Variants in CSAD observed in about 807,000 individuals in gnomAD.
CSAD encodes the protein cysteine sulfinic acid decarboxylase, also known as P-selectin cytoplasmic tail-associated protein.
In CSAD, 47 loss-of-function variants were observed where a neutral mutation model predicts 61.5. That is an observed-to-expected ratio of 0.76 (90% CI 0.60 to 0.97). The LOEUF (loss-of-function observed/expected upper bound fraction) is 0.97, where lower values mean the gene tolerates loss of function less well. Ranked by LOEUF, CSAD falls within the 50% of genes least tolerant of loss-of-function variation. The probability of loss-of-function intolerance (pLI) is 0.00; values close to 1 mark genes in which losing one functional copy is unlikely to be tolerated. For missense variants in CSAD, 611 were observed against 643.6 expected (o/e 0.95, Z 0.55); for synonymous variants, 245 against 252.7 (o/e 0.97, Z 0.29).
At chr12:53,174,802 A>G (rs960085171) in intron 2 of CSAD, among the ~76,000 whole-genome samples, 14 of 152,098 alleles carry the variant, frequency 9.2e-5, no homozygotes, top group African/African-American at 3.1e-4. Context: ...AAAAATATAT[A>G]TATATATGGA....
intron 10 of CSAD, among the ~76,000 whole-genome samples, chr12:53,162,228 A>C (rs999122812): frequency 6.6e-6 from 1 of 151,206 alleles, no homozygotes; most frequent in Non-Finnish European, 1.5e-5. Flanking sequence ...AGCCAAGATC[A>C]CACCATTGTA....
At chr12:53,177,579 AC>A (rs1200243671) in intron 2 of CSAD, among the ~76,000 whole-genome samples, 2 of 152,210 alleles carry the variant, frequency 1.3e-5, no homozygotes, top group Non-Finnish European at 2.9e-5. Context: ...ACTTGAGCTC[AC>A]GAGTTGGAAA....
intron 2 of CSAD, among the ~76,000 whole-genome samples, chr12:53,174,390 GT>G (rs1940946841): frequency 1.3e-5 from 2 of 151,810 alleles, no homozygotes; most frequent in Non-Finnish European, 2.9e-5. Flanking sequence ...ATTTCTGGGT[GT>G]TGTTATGGAT....
chr12:53,160,171 T>G lies in CSAD; in HGVS notation c.1115A>C (p.Gln372Pro). 3 of 1,614,082 alleles carry G rather than the reference T, an allele frequency of 1.9e-6. No individual in the cohort carries two copies. The highest frequency in any genetic ancestry group is 2.5e-6 in the Non-Finnish European group (3 of 1,180,048). The change falls in exon 14 of 17, where the codon CAG (glutamine) becomes CCG (proline). Residue 372 changes from glutamine to proline, a missense_variant. Gln to Pro is a moderately conservative substitution (Grantham distance 76, BLOSUM62 -1). Coordinates refer to ENST00000444623, the MANE Select transcript of CSAD (RefSeq NM_001244705.2). Reference protein sequence around the residue: ...CLKLWLMWKAQGDQGLERRID... With the variant: ...CLKLWLMWKAPGDQGLERRID... ...GCGCCGCTCCAGCCCTTGATCGCCC[T>G]GTGCCTTCCACATGAGCCACAGCTT...
intron 4 of CSAD, among the ~76,000 whole-genome samples, 192 bp from the exon 5 acceptor site, chr12:53,172,840 AG>A (rs961757523): frequency 6.6e-6 from 1 of 152,190 alleles, no homozygotes; most frequent in Non-Finnish European, 1.5e-5. Context: ...TGAGGTACCC[AG>A]GGGGGCAGGG....
At chr12:53,171,196 C>T (rs2121512847) in intron 8 of CSAD, 130 bp downstream of exon 8, 8 of 1,392,732 alleles carry the variant, frequency 5.7e-6, no homozygotes, top group South Asian at 2.4e-5. Flanking sequence ...TGGAAGGAAG[C>T]ACATCCGCCT....
chr12:53,181,246 C>T (rs1396716296), upstream of CSAD: 1 of 985,322 alleles, frequency 1.0e-6, no homozygotes, highest in East Asian at 1.1e-4. Flanking sequence ...ACGGGGAGAA[C>T]GCACACGTGT....
Position 53,170,111 on chromosome 12 carries a change from G to T in CSAD, c.663C>A (p.Pro221=), listed in dbSNP as rs375625717. The change falls in exon 10 of 17, where the codon CCC becomes CCA. Residue 221 remains proline (P), a synonymous_variant. Transcript: ENST00000444623. ...TACCAATCTGCCTCTCCAGATCCTC[G>T]GGGACCATTTTCCCTCTGAAAAAGA... ...VKADERGKMV[P]EDLERQIGMA... 1.2e-6 allele frequency: 2 copies of T among 1,613,882 alleles called. No homozygotes were observed. Among genetic ancestry groups the T allele is most frequent in the African/African-American group, 2.7e-5 (2 of 74,896 alleles).
chr12:53,170,840 C>T (rs942364964), intron 8 of CSAD: 1 of 383,094 alleles, frequency 2.6e-6, no homozygotes, highest in South Asian at 2.2e-5. Flanking sequence ...CGTGCCTCAG[C>T]CTCCTAAGCA....
In CSAD at chr12:53,158,505, G is replaced by C. The variant is rs1938818713; in HGVS notation, c.*6C>G. On this transcript the variant is annotated 3_prime_UTR_variant, in exon 17 of 17. Coordinates refer to ENST00000444623, the MANE Select transcript of CSAD (RefSeq NM_001244705.2). ...GTATCAAGGCCGGCAGCAAGACAGA[G>C]AAGGCTCACAGGTCCTGGCCTAGCC... 1.9e-6 allele frequency: 3 copies of C among 1,609,388 alleles called. No homozygotes were observed. The highest frequency in any genetic ancestry group is 2.2e-5 in the East Asian group (1 of 44,744).
intron 7 of CSAD, 43 bp from the exon 8 acceptor site, chr12:53,171,484 G>T (rs1415539344): frequency 2.5e-6 from 4 of 1,589,150 alleles, no homozygotes; most frequent in African/African-American, 1.3e-5. Context: ...GGAGCAGTGG[G>T]TCAAGACTGG....
intron 10 of CSAD, among the ~76,000 whole-genome samples, chr12:53,166,531 T>G (rs906232993): frequency 6.6e-6 from 1 of 151,932 alleles, no homozygotes; most frequent in Non-Finnish European, 1.5e-5. Flanking sequence ...GGTGTGGTGG[T>G]TAATGACTGT....
chr12:53,161,064 A>G, intron 12 of CSAD, 63 bp downstream of exon 12: 2 of 1,531,492 alleles, frequency 1.3e-6, no homozygotes, highest in African/African-American at 1.4e-5. Context: ...TCCCTAGTCC[A>G]TGATGATTCT....
chr12:53,178,569 A>C (rs1052422623), intron 2 of CSAD, among the ~76,000 whole-genome samples: 1 of 152,158 alleles, frequency 6.6e-6, no homozygotes, highest in African/African-American at 2.4e-5. Context: ...AGGTGGGTAG[A>C]TGACCTGAGG....
intron 2 of CSAD, chr12:53,178,414 C>A (rs1941271368): frequency 4.4e-6 from 2 of 455,730 alleles, no homozygotes; most frequent in African/African-American, 4.0e-5. Flanking sequence ...ATTCCTTGAG[C>A]CCAGGAGGTT....
At chr12:53,179,662 T>A in intron 1 of CSAD, 1 of 913,148 alleles carries the variant, frequency 1.1e-6, no homozygotes, top group Non-Finnish European at 1.7e-6. Flanking sequence ...GGAAATGAAA[T>A]CTGTCTACAA....
At chr12:53,160,361 C>G (rs776852330) in intron 13 of CSAD, 42 bp from the exon 14 acceptor site, 2 of 1,588,826 alleles carry the variant, frequency 1.3e-6, no homozygotes, top group East Asian at 2.2e-5. Flanking sequence ...ACCCTCTCCA[C>G]CGAGGCTTTC....
Position 53,160,839 on chromosome 12 carries a change from T to C in CSAD, c.890A>G (p.Asp297Gly), listed in dbSNP as rs1199197122. Reference sequence around the variant, plus strand: ...CTTGTGGGGATTCCAGGCCACAGAGTCAGCCCTGGATGGGGTGGAGCAAAG... The same window carrying C: ...CTTGTGGGGATTCCAGGCCACAGAGCCAGCCCTGGATGGGGTGGAGCAAAG... ...RHLLDGIQRA[D>G]SVAWNPHKLL... is the part of the protein sequence containing the mutation. Residue 297 changes from aspartate to glycine, a missense_variant, in exon 13 of 17, where the codon GAC (aspartate) becomes GGC (glycine). Coordinates refer to ENST00000444623, the MANE Select transcript of CSAD (RefSeq NM_001244705.2). 6.4e-7 allele frequency: 1 copy of C among 1,551,544 alleles called. No homozygotes were observed. Among genetic ancestry groups the C allele is most frequent in the African/African-American group, 1.4e-5 (1 of 73,024 alleles).
intron 2 of CSAD, among the ~76,000 whole-genome samples, chr12:53,178,196 G>A (rs1460576322): frequency 6.6e-6 from 1 of 152,124 alleles, no homozygotes; most frequent in Non-Finnish European, 1.5e-5. Flanking sequence ...TATCCGGCCA[G>A]GCATGGTGGC....
Sources: allele counts gnomAD v4.1 joint callset (sites outside exome capture counted in the v4.1 genomes callset), GRCh38; gene constraint gnomAD v4.1.1; transcripts MANE v1.5; gene names NCBI Gene and HGNC (gene_info 2026-07-23, HGNC 2026-07-21).